The following PLK3 variants were observed in gnomAD, a reference collection of about 807,000 sequenced individuals.
PLK3 encodes polo like kinase 3.
PLK3 carries 41 observed loss-of-function variants against 71.6 expected under a neutral mutation model. The ratio of observed to expected loss-of-function variants is 0.57; its 90% CI spans 0.45 to 0.74. The LOEUF (loss-of-function observed/expected upper bound fraction) is 0.74, where lower values mean the gene tolerates loss of function less well. PLK3 is among the 30% of genes least tolerant of loss of function. The probability of loss-of-function intolerance (pLI) is 0.00; values close to 1 mark genes in which losing one functional copy is unlikely to be tolerated. For missense variants in PLK3, 791 were observed against 875.6 expected, an observed-to-expected ratio of 0.90 and a Z score of 1.22; for synonymous variants, 366 against 355.4, an observed-to-expected ratio of 1.03 and a Z score of -0.33.
At chr1:44,801,276 C>A (rs1487901200) in intron 3 of PLK3, 124 bp downstream of exon 3, 6 of 614,094 alleles carry the variant, frequency 9.8e-6, no homozygotes, top group African/African-American at 2.1e-5. Context: ...GTGGCGCGAT[C>A]TCGGCTCACT....
chr1:44,801,008 G>A (rs1260486047), intron 2 of PLK3, 28 bp from the exon 3 acceptor site: 18 of 1,606,698 alleles, frequency 1.1e-5, no homozygotes, highest in Non-Finnish European at 1.4e-5. Context: ...AACCATGGAA[G>A]GATGACGACT....
Position 44,805,951 on chromosome 1 carries a change from A to G in PLK3, c.*273A>G. 6.6e-7 allele frequency: 1 copy of G among 1,508,502 alleles called. No homozygotes were observed. Among genetic ancestry groups the G allele is most frequent in the Non-Finnish European group, 8.9e-7 (1 of 1,128,794 alleles). The allele number at this position is 1,508,502 out of a possible 1,614,324, so 93.4% of individuals were successfully genotyped here. A position where few individuals can be genotyped will look rare whatever the true frequency, so the allele number is the denominator to read the frequency against. On this transcript the variant is annotated 3_prime_UTR_variant, in exon 15 of 15. Coordinates refer to ENST00000372201, the MANE Select transcript of PLK3 (RefSeq NM_004073.4). ...ACTTATTTATTGGGATGTGAGCCCC[A>G]GGGGGGCCTCCTCCTAGGATAATAA...
rs774754905 is a variant in PLK3, at chr1:44,805,696, C to T, written c.*18C>T. 7.5e-6 allele frequency: 12 copies of T among 1,606,980 alleles called. No homozygotes were observed. The East Asian group carries it at 1.1e-4, about 15-fold the overall frequency. On this transcript the variant is annotated 3_prime_UTR_variant, in exon 15 of 15. Coordinates refer to ENST00000372201, the MANE Select transcript of PLK3 (RefSeq NM_004073.4). ...CAGCCTAGGACCCAAGCCCTGAGGCCTGAGGCCTGTGCCTGTCAGGCTCTG... is the reference window on the plus strand; with the variant it reads ...CAGCCTAGGACCCAAGCCCTGAGGCTTGAGGCCTGTGCCTGTCAGGCTCTG...
At position 44,803,200 on chromosome 1, in the gene PLK3, A is replaced by T. The variant is rs1191305550; in HGVS notation, c.948+47A>T. On this transcript the variant is annotated intron_variant, in intron 7 of 14. Coordinates refer to ENST00000372201, the MANE Select transcript of PLK3 (RefSeq NM_004073.4). The surrounding 1 kb of genome is among the most constrained non-coding windows in gnomAD (Gnocchi z 4.3). ...TAAGTCCATCTGTGTATTCCCAGGG[A>T]TTGAAAGGGGGCAGGTGACAGGACC... 6.2e-7 allele frequency: 1 copy of T among 1,611,508 alleles called. No individual in the cohort carries two copies. Among genetic ancestry groups the T allele is most frequent in the Non-Finnish European group, 8.5e-7 (1 of 1,178,206 alleles).
Position 44,803,647 on chromosome 1 carries a change from G to A in PLK3, c.1120G>A (p.Gly374Ser), listed in dbSNP as rs762013527. 2.0e-5 allele frequency: 33 copies of A among 1,613,952 alleles called. No individual in the cohort carries two copies. The highest frequency in any genetic ancestry group is 2.2e-5 in the East Asian group (1 of 44,886). The stretch of plus-strand genomic sequence containing the variant: ...GGATGAGGTCTCCGGTTTGGTGAGC[G>A]GCCTCATGCGCACATCCGTTGGCCA... The part of the protein sequence containing the change: ...ERDEVSGLVS[G>S]LMRTSVGHQD... The change falls in exon 9 of 15, where the codon GGC (glycine) becomes AGC (serine). Residue 374 changes from glycine to serine, a missense_variant. Transcript: ENST00000372201. The surrounding 1 kb of genome is among the most constrained non-coding windows in gnomAD (Gnocchi z 4.3).
chr1:44,800,519 C>A lies in PLK3; in HGVS notation c.56C>A (p.Ala19Glu). ...CGCCCCTTCCAGCGTGCGGCCGCCG[C>A]GCCCGCTCCCCCGGCCGGGCCCGGG... ...SPRPFQRAAA[A>E]PAPPAGPGPP... Residue 19 changes from alanine to glutamate, a missense_variant, in exon 1 of 15, where the codon GCG becomes GAG. Transcript: ENST00000372201. This position sits in a 1 kb window ranked among gnomAD's most constrained non-coding sequence, Gnocchi z 6.5. The A allele has an allele frequency of 6.9e-7, 1 of 1,454,064 alleles. No homozygotes were observed. The highest frequency in any genetic ancestry group is 9.0e-7 in the Non-Finnish European group (1 of 1,110,864). 90.1% of individuals were successfully genotyped at this position (1,454,064 alleles called of 1,614,324 possible). A position where few individuals can be genotyped will look rare whatever the true frequency, so the allele number is the denominator to read the frequency against.
chr1:44,800,439 G>C lies in PLK3; in HGVS notation c.-25G>C. 1 of 1,324,260 alleles carries C rather than the reference G, an allele frequency of 7.6e-7. No individual in the cohort carries two copies. Among genetic ancestry groups the C allele is most frequent in the African/African-American group, 1.6e-5 (1 of 64,394 alleles). The allele number at this position is 1,324,260 out of a possible 1,614,324, so 82.0% of individuals were successfully genotyped here. A position where few individuals can be genotyped will look rare whatever the true frequency, so the allele number is the denominator to read the frequency against. On this transcript the variant is annotated 5_prime_UTR_variant, in exon 1 of 15. Coordinates refer to ENST00000372201, the MANE Select transcript of PLK3 (RefSeq NM_004073.4). The surrounding 1 kb of genome is among the most constrained non-coding windows in gnomAD (Gnocchi z 6.5). ...GGGCCGGGCGGAACCGAGAAGCCGG[G>C]ACCGCGCTGCGACGCGCCGGCCGCA...
intron 4 of PLK3, 28 bp downstream of exon 4, chr1:44,801,779 A>C (rs765341257): frequency 1.7e-5 from 8 of 481,404 alleles, no homozygotes; most frequent in Non-Finnish European, 2.7e-5. Context: ...GGAGGATGGG[A>C]GGTTGGGGAG....
In PLK3 at chr1:44,805,817, T is replaced by TG. The variant is rs1169777032; in HGVS notation, c.*144dup. On this transcript the variant is annotated 3_prime_UTR_variant, in exon 15 of 15. Transcript: ENST00000372201. ...AATCAGGGACCAGCTTTACTGGAGT[T>TG]GGGGGCGGCTTGTCTTCGCTGGCTC... 1 of 1,304,574 alleles carries TG rather than the reference T, an allele frequency of 7.7e-7. No homozygotes were observed. Among genetic ancestry groups the TG allele is most frequent in the East Asian group, 2.5e-5 (1 of 39,498 alleles). The allele number at this position is 1,304,574 out of a possible 1,614,324, so 80.8% of individuals were successfully genotyped here.
Position 44,804,300 on chromosome 1 carries a change from G to A in PLK3, c.1343-39G>A, listed in dbSNP as rs1651935188. 5 of 1,613,708 alleles carry A rather than the reference G, an allele frequency of 3.1e-6. No homozygotes were observed. In the East Asian group the frequency reaches 1.1e-4, roughly 36 times the overall value. On this transcript the variant is annotated intron_variant, in intron 11 of 14. Transcript: ENST00000372201. ...GTGGTGGGAGTTCTGTGGCTGGGAG[G>A]CCAGGAGCAGGTGCTGACTCCCTCC...
In PLK3 at chr1:44,804,002, G is replaced by C; in HGVS notation, c.1236G>C (p.Gly412=). 6.4e-7 allele frequency: 1 copy of C among 1,554,904 alleles called. No homozygotes were observed. Among genetic ancestry groups the C allele is most frequent in the Non-Finnish European group, 8.7e-7 (1 of 1,147,796 alleles). Residue 412 remains glycine (G), a synonymous_variant, in exon 10 of 15, where the codon GGG becomes GGC. Coordinates refer to ENST00000372201, the MANE Select transcript of PLK3 (RefSeq NM_004073.4). ...CACCTGAAGACAGCTCACCCCGTGG[G>C]ACACTGGCAAGCAGTGGAGATGGTG... ...ETAPEDSSPR[G]TLASSGDGFE... is the part of the protein sequence containing the mutation.
At chr1:44,805,197 A>C (rs547666082) in intron 13 of PLK3, 69 bp from the exon 14 acceptor site, 2 of 991,806 alleles carry the variant, frequency 2.0e-6, no homozygotes, top group South Asian at 2.6e-5. Flanking sequence ...GCTAGAGGAT[A>C]AGGCATACAC....
chr1:44,805,875 G>C lies in PLK3; in HGVS notation c.*197G>C. The C allele has an allele frequency of 7.0e-7, 1 of 1,421,646 alleles. No individual in the cohort carries two copies. The highest frequency in any genetic ancestry group is 9.3e-7 in the Non-Finnish European group (1 of 1,071,860). The allele number at this position is 1,421,646 out of a possible 1,614,324, so 88.1% of individuals were successfully genotyped here. A position where few individuals can be genotyped will look rare whatever the true frequency, so the allele number is the denominator to read the frequency against. On this transcript the variant is annotated 3_prime_UTR_variant, in exon 15 of 15. Transcript: ENST00000372201. Reference sequence around the variant, plus strand: ...ATCTCCAAGATAAGCCTGAGCCTTAGCTCCCAGCTAGGGGGCGTTATTTAT... The same window carrying C: ...ATCTCCAAGATAAGCCTGAGCCTTACCTCCCAGCTAGGGGGCGTTATTTAT...
In PLK3 at chr1:44,804,206, C is replaced by A. The variant is rs1311424001; in HGVS notation, c.1302C>A (p.Ala434=). 6.2e-7 allele frequency: 1 copy of A among 1,613,934 alleles called. No individual in the cohort carries two copies. The highest frequency in any genetic ancestry group is 2.2e-5 in the East Asian group (1 of 44,872). ...GLTVATVVES[A]LCALRNCIAF... ...CTGTGGCCACAGTAGTGGAGTCAGC[C>A]CTTTGTGCTCTGAGAAATTGTATAG... Residue 434 remains alanine, a synonymous_variant, in exon 11 of 15, where the codon GCC becomes GCA. Transcript: ENST00000372201.
chr1:44,801,701 G>C lies in PLK3; in HGVS notation c.515G>C (p.Gly172Ala), dbSNP rs1276376273. The C allele has an allele frequency of 1.9e-6, 3 of 1,576,526 alleles. No individual in the cohort carries two copies. Among genetic ancestry groups the C allele is most frequent in the Non-Finnish European group, 2.6e-6 (3 of 1,158,152 alleles). Reference sequence around the variant, plus strand: ...TACTACCTGCGGCAGATCCTTTCTGGCCTCAAGTACTTGCACCAGCGCGGC... The same window carrying C: ...TACTACCTGCGGCAGATCCTTTCTGCCCTCAAGTACTTGCACCAGCGCGGC... ...VRYYLRQILS[G>A]LKYLHQRGIL... The change falls in exon 4 of 15, where the codon GGC (glycine) becomes GCC (alanine). Residue 172 changes from glycine (G) to alanine (A), a missense_variant. By Grantham distance (60) the Gly-to-Ala change is moderately conservative (BLOSUM62 0). Transcript: ENST00000372201.
Position 44,802,815 on chromosome 1 carries a change from C to T in PLK3, c.709C>T (p.His237Tyr). ...VAPEVLLRQG[H>Y]GPEADVWSLG... is the part of the protein sequence containing the mutation. ...TCCAGAAGTGCTGCTGAGACAGGGCCACGGCCCTGAGGCGGATGTATGGTC... is the reference window on the plus strand; with the variant it reads ...TCCAGAAGTGCTGCTGAGACAGGGCTACGGCCCTGAGGCGGATGTATGGTC... The change falls in exon 6 of 15, where the codon CAC becomes TAC. Residue 237 changes from histidine (H) to tyrosine (Y), a missense_variant. By Grantham distance (83) the His-to-Tyr change is moderately conservative (BLOSUM62 2). Transcript: ENST00000372201. 6.2e-7 allele frequency: 1 copy of T among 1,613,962 alleles called. No individual in the cohort carries two copies. The highest frequency in any genetic ancestry group is 8.5e-7 in the Non-Finnish European group (1 of 1,179,914).
Position 44,800,684 on chromosome 1 carries a change from G to T in PLK3, c.210+11G>T, listed in dbSNP as rs376398116. On this transcript the variant is annotated intron_variant, in intron 1 of 14. Coordinates refer to ENST00000372201, the MANE Select transcript of PLK3 (RefSeq NM_004073.4). This position sits in a 1 kb window ranked among gnomAD's most constrained non-coding sequence, Gnocchi z 6.5. Reference sequence around the variant, plus strand: ...CGCTTGTTGGGCAAGGTGGGCCGAGGGACGTCCGCGGGGTGGTGATGGTGG... The same window carrying T: ...CGCTTGTTGGGCAAGGTGGGCCGAGTGACGTCCGCGGGGTGGTGATGGTGG... 138 of 1,551,908 alleles carry T rather than the reference G, an allele frequency of 8.9e-5. 1 individual carries two copies. In the African/African-American group the frequency reaches 1.8e-3, roughly 20 times the overall value.
At position 44,805,887 on chromosome 1, in the gene PLK3, G is replaced by A. The variant is rs947417571; in HGVS notation, c.*209G>A. 6 of 1,437,644 alleles carry A rather than the reference G, an allele frequency of 4.2e-6. No individual in the cohort carries two copies. Among genetic ancestry groups the A allele is most frequent in the Non-Finnish European group, 5.5e-6 (6 of 1,085,476 alleles). The allele number at this position is 1,437,644 out of a possible 1,614,324, so 89.1% of individuals were successfully genotyped here. On this transcript the variant is annotated 3_prime_UTR_variant, in exon 15 of 15. Transcript: ENST00000372201. ...AGCCTGAGCCTTAGCTCCCAGCTAG[G>A]GGGCGTTATTTATGGACCACTTTTA...
Position 44,800,665 on chromosome 1 carries a change from T to C in PLK3, c.202T>C (p.Leu68=). 1.9e-6 allele frequency: 3 copies of C among 1,552,248 alleles called. No homozygotes were observed. The highest frequency in any genetic ancestry group is 1.4e-5 in the African/African-American group (1 of 73,510). Residue 68 remains leucine (L), a synonymous_variant, in exon 1 of 15, where the codon TTG becomes CTG. Coordinates refer to ENST00000372201, the MANE Select transcript of PLK3 (RefSeq NM_004073.4). This position sits in a 1 kb window ranked among gnomAD's most constrained non-coding sequence, Gnocchi z 6.5. ...SGRTYLKGRL[L]GKGGFARCYE... ...CCGCACCTACCTCAAAGGCCGCTTG[T>C]TGGGCAAGGTGGGCCGAGGGACGTC... is the stretch of plus-strand genomic sequence containing the variant.
Sources: allele counts gnomAD v4.1 joint callset, GRCh38; gene constraint gnomAD v4.1.1; non-coding constraint Gnocchi (gnomAD v3.1); transcripts MANE v1.5; gene names NCBI Gene and HGNC (gene_info 2026-07-23, HGNC 2026-07-21).